HDAC9: variants seen among roughly 807,000 people sequenced by gnomAD.
The protein encoded by HDAC9 is MEF-2 interacting transcription repressor (MITR) protein.
A neutral mutation model predicts 139.4 loss-of-function variants in HDAC9; 41 were observed. The observed-to-expected ratio is 0.29, with a 90% CI of 0.23 to 0.38. HDAC9 has a LOEUF of 0.38. Ranked by LOEUF, HDAC9 falls within the 10% of genes least tolerant of loss-of-function variation. The pLI, the probability that HDAC9 is intolerant of heterozygous loss-of-function variation, is 1.00. For synonymous variants in HDAC9, 517 were observed against 476.2 expected (o/e 1.09, Z -1.12); for missense variants, 1,147 against 1,297.0 (o/e 0.88, Z 1.78).
At chr7:18,932,200 A>T (rs1804806442) in intron 22 of HDAC9, among the ~76,000 whole-genome samples, 1 of 152,154 alleles carries the variant, frequency 6.6e-6, no homozygotes, top group South Asian at 2.1e-4. Flanking sequence ...TTTTGCTGTA[A>T]GTTCACAAAG....
chr7:18,249,469 C>T (rs1030163985), intron 2 of HDAC9, among the ~76,000 whole-genome samples: 12 of 134,750 alleles, frequency 8.9e-5, no homozygotes, highest in African/African-American at 3.0e-4. Context: ...TGCCACTGCA[C>T]TCCAGCCTGA....
Position 18,431,761 on chromosome 7 carries a change from G to T in HDAC9, c.-41-64501G>T, listed in dbSNP as rs151312447. On this transcript the variant is annotated intron_variant, in intron 1 of 3. Transcript: ENST00000413509. Reference sequence around the variant, plus strand: ...TTCAATAAATACGTAAAATACGATTGTGGGTATGACTGTGAATTTCATATC... The same window carrying T: ...TTCAATAAATACGTAAAATACGATTTTGGGTATGACTGTGAATTTCATATC... Among the ~76,000 whole-genome samples the T allele has an allele frequency of 5.3e-4, 81 of 152,328 alleles. 1 individual carries two copies. Among genetic ancestry groups the T allele is most frequent in the African/African-American group, 1.7e-3 (72 of 41,572 alleles).
At chr7:18,112,205 A>G (rs1434691339) in intron 1 of HDAC9, among the ~76,000 whole-genome samples, 5 of 152,184 alleles carry the variant, frequency 3.3e-5, no homozygotes, top group Non-Finnish European at 5.9e-5. Flanking sequence ...TTTCTTTTCA[A>G]GTCTATGTTT....
chr7:18,669,564 A>G (rs1161893598), intron 12 of HDAC9, among the ~76,000 whole-genome samples: 2 of 151,872 alleles, frequency 1.3e-5, no homozygotes, highest in Non-Finnish European at 2.9e-5. Flanking sequence ...AAATTTGAGA[A>G]TACAGTCACA....
At chr7:18,403,658 C>T (rs1787748048) in intron 1 of HDAC9, among the ~76,000 whole-genome samples, 3 of 152,152 alleles carry the variant, frequency 2.0e-5, no homozygotes, top group Non-Finnish European at 2.9e-5. Context: ...GTAGGCTTGG[C>T]TCACTCATAA....
chr7:18,846,783 C>T (rs1796935546), intron 21 of HDAC9, among the ~76,000 whole-genome samples: 1 of 152,150 alleles, frequency 6.6e-6, no homozygotes, highest in African/African-American at 2.4e-5. Flanking sequence ...TTAGCAGGTC[C>T]TCGGGCCATT....
intron 13 of HDAC9, among the ~76,000 whole-genome samples, chr7:18,745,883 C>CTTCT (rs1554344383): frequency 7.0e-5 from 7 of 99,486 alleles, no homozygotes; most frequent in Non-Finnish European, 1.2e-4. Context: ...TCTTCTTCTT[C>CTTCT]TTTTTTTTTT....
intron 19 of HDAC9, among the ~76,000 whole-genome samples, chr7:18,830,539 T>A (rs1374922666): frequency 6.6e-6 from 1 of 152,196 alleles, no homozygotes; most frequent in South Asian, 2.1e-4. Flanking sequence ...GGCCTCGCCC[T>A]CCAGCCTTCG....
chr7:18,399,213 G>A (rs1278742602), intron 1 of HDAC9, among the ~76,000 whole-genome samples: 1 of 152,150 alleles, frequency 6.6e-6, no homozygotes, highest in Non-Finnish European at 1.5e-5. Context: ...GGTCAGTGGT[G>A]TGTGGCAAAG....
intron 1 of HDAC9, among the ~76,000 whole-genome samples, chr7:18,369,520 A>G (rs1585418844): frequency 1.3e-5 from 2 of 150,908 alleles, no homozygotes; most frequent in Admixed American, 1.3e-4. Context: ...ATATTTGTAA[A>G]TTAATGTCCT....
chr7:18,283,669 A>T (rs1017949353), intron 2 of HDAC9, among the ~76,000 whole-genome samples: 1 of 152,164 alleles, frequency 6.6e-6, no homozygotes, highest in Admixed American at 6.5e-5. Context: ...ATGTTGCATT[A>T]CTCTAAAACA....
At chr7:18,477,789 T>C (rs571208997) in intron 1 of HDAC9, among the ~76,000 whole-genome samples, 5 of 152,168 alleles carry the variant, frequency 3.3e-5, no homozygotes, top group Non-Finnish European at 5.9e-5. Flanking sequence ...AGAATAATTA[T>C]ATATATTCCT....
intron 24 of HDAC9, among the ~76,000 whole-genome samples, chr7:18,969,359 C>A (rs1784103707): frequency 6.6e-6 from 1 of 152,100 alleles, no homozygotes; most frequent in Non-Finnish European, 1.5e-5. Flanking sequence ...TTTTAGCCAT[C>A]CTAACACAGT....
rs142678953 is a variant in HDAC9, at chr7:18,268,608, T to G, written c.25+106259T>G. ...GAAAAAGAAACTATTGGAAAGATAT[T>G]GGAACTAAATAATTCACTTGTAGTG... On this transcript the variant is annotated intron_variant, in intron 2 of 12. Coordinates refer to the HDAC9 transcript ENST00000417496. Among the ~76,000 whole-genome samples the G allele has an allele frequency of 1.8e-3, 268 of 152,292 alleles. 1 individual carries two copies. Among genetic ancestry groups the G allele is most frequent in the African/African-American group, 6.1e-3 (255 of 41,574 alleles).
At chr7:18,125,329 G>A (rs756380761) in intron 1 of HDAC9, among the ~76,000 whole-genome samples, 10 of 152,122 alleles carry the variant, frequency 6.6e-5, no homozygotes, top group Non-Finnish European at 1.5e-4. Flanking sequence ...GCTGTGAGGG[G>A]AGATGGCACA....
chr7:18,496,289 T>G lies in HDAC9; in HGVS notation c.-14T>G, dbSNP rs1256920557. 3.1e-6 allele frequency: 5 copies of G among 1,613,086 alleles called. No homozygotes were observed. The highest frequency in any genetic ancestry group is 4.2e-6 in the Non-Finnish European group (5 of 1,179,446). On this transcript the variant is annotated 5_prime_UTR_variant, in exon 2 of 26. Transcript: ENST00000686413. ...GGGGTGGCTGGACGAGAGCAGCTCT[T>G]GGCTCAGCAAAGAATGCACAGTATG...
intron 12 of HDAC9, among the ~76,000 whole-genome samples, chr7:18,714,403 G>T (rs919346407): frequency 6.6e-6 from 1 of 152,186 alleles, no homozygotes; most frequent in Non-Finnish European, 1.5e-5. Context: ...TTGCTGTTAG[G>T]CTTGAGAGTC....
chr7:18,235,775 C>T (rs781737390), intron 2 of HDAC9, among the ~76,000 whole-genome samples: 2 of 152,136 alleles, frequency 1.3e-5, no homozygotes, highest in African/African-American at 2.4e-5. Flanking sequence ...ATTTAAAGAA[C>T]TTACCTAAGG....
At chr7:18,928,374 G>T (rs1204865359) in intron 22 of HDAC9, among the ~76,000 whole-genome samples, 1 of 152,186 alleles carries the variant, frequency 6.6e-6, no homozygotes, top group Non-Finnish European at 1.5e-5. Flanking sequence ...ACTGTACTTT[G>T]TTCTCCTTTT....
Sources: allele counts gnomAD v4.1 joint callset (sites outside exome capture counted in the v4.1 genomes callset), GRCh38; gene constraint gnomAD v4.1.1; transcripts MANE v1.5; gene names NCBI Gene and HGNC (gene_info 2026-07-23, HGNC 2026-07-21).